Variants in ITCH observed in about 807,000 individuals in gnomAD.
The protein encoded by ITCH is E3 ubiquitin-protein ligase Itchy homolog.
In ITCH, 28 loss-of-function variants were observed where a neutral mutation model predicts 126.8. That is an observed-to-expected ratio of 0.22 (90% CI 0.16 to 0.30). The LOEUF (loss-of-function observed/expected upper bound fraction) is 0.30. ITCH is among the 10% of genes least tolerant of loss of function. The probability of loss-of-function intolerance (pLI) is 1.00; values close to 1 mark genes in which losing one functional copy is unlikely to be tolerated. For synonymous variants in ITCH, 342 were observed against 340.0 expected, an observed-to-expected ratio of 1.01 and a Z score of -0.06; for missense variants, 631 against 1,032.4, an observed-to-expected ratio of 0.61 and a Z score of 5.33.
At chr20:34,410,386 A>G (rs538532078) in intron 4 of ITCH, among the ~76,000 whole-genome samples, 2,603 of 150,894 alleles carry the variant, frequency 0.017, 38 homozygotes, top group Non-Finnish European at 0.028. Context: ...AAAAGAGAGA[A>G]AAAAAAAAAA....
intron 17 of ITCH, among the ~76,000 whole-genome samples, chr20:34,478,125 G>C (rs1361298674): frequency 6.6e-6 from 1 of 152,156 alleles, no homozygotes; most frequent in African/African-American, 2.4e-5. Flanking sequence ...ATAGGATGAT[G>C]AAGAGGCTTA....
At chr20:34,488,702 G>C (rs573339049) in intron 20 of ITCH, among the ~76,000 whole-genome samples, 2 of 151,974 alleles carry the variant, frequency 1.3e-5, no homozygotes, top group South Asian at 4.2e-4. Context: ...GACAGAGCGC[G>C]ACCCTGTCTC....
intron 2 of ITCH, among the ~76,000 whole-genome samples, chr20:34,383,543 A>T (rs1601767612): frequency 6.6e-6 from 1 of 150,674 alleles, no homozygotes; most frequent in African/African-American, 2.4e-5. Context: ...ATTTTGTATT[A>T]TCAGTAGAGA....
At chr20:34,412,395 G>C in intron 4 of ITCH, 120 bp from the exon 5 acceptor site, 1 of 725,160 alleles carries the variant, frequency 1.4e-6, no homozygotes, top group Non-Finnish European at 2.3e-6. Context: ...TGATTGTATA[G>C]TAAACTGTAA....
At chr20:34,364,981 C>T (rs748707363) in intron 1 of ITCH, among the ~76,000 whole-genome samples, 3 of 151,394 alleles carry the variant, frequency 2.0e-5, no homozygotes, top group Admixed American at 1.3e-4. Context: ...GGGCGGATTA[C>T]GTGAGCCCAG....
At chr20:34,433,642 G>A (rs1351540579) in intron 7 of ITCH, among the ~76,000 whole-genome samples, 1 of 137,566 alleles carries the variant, frequency 7.3e-6, no homozygotes, top group African/African-American at 2.7e-5. Flanking sequence ...GGGCAACAGA[G>A]TGAAACAATG....
intron 10 of ITCH, among the ~76,000 whole-genome samples, chr20:34,443,922 A>G (rs139318360): frequency 1.2e-3 from 185 of 152,230 alleles, no homozygotes; most frequent in African/African-American, 4.2e-3. Flanking sequence ...GGAGTTCAAG[A>G]TTACAGTGAG....
chr20:34,490,644 A>G (rs1015038438), intron 22 of ITCH, among the ~76,000 whole-genome samples: 7 of 152,210 alleles, frequency 4.6e-5, no homozygotes, highest in African/African-American at 1.4e-4. Context: ...CTCTGTCTCA[A>G]AAACAAAAAC....
At chr20:34,445,260 G>GTT (rs376762756) in intron 10 of ITCH, 27 bp from the exon 11 acceptor site, 126,086 of 1,406,536 alleles carry the variant, frequency 0.09, 157 homozygotes, top group Middle Eastern at 0.1. Context: ...GAATTAGCTT[G>GTT]TTTTTTTTTT....
At chr20:34,372,029 G>A (rs193119439) in intron 2 of ITCH, among the ~76,000 whole-genome samples, 54 of 152,078 alleles carry the variant, frequency 3.6e-4, no homozygotes, top group Admixed American at 9.8e-4. Flanking sequence ...GGCTTCGGCC[G>A]GCCGCGGTGG....
intron 17 of ITCH, 36 bp from the exon 18 acceptor site, chr20:34,479,594 C>T (rs1451462660): frequency 1.3e-6 from 2 of 1,591,428 alleles, no homozygotes; most frequent in Non-Finnish European, 1.7e-6. Context: ...TGGTAACCTA[C>T]AAGATTTTTC....
intron 3 of ITCH, 105 bp from the exon 4 acceptor site, chr20:34,408,546 T>G: frequency 9.4e-7 from 1 of 1,059,206 alleles, no homozygotes; most frequent in Non-Finnish European, 1.4e-6. Flanking sequence ...GCAAAACTGC[T>G]TCTCTGAGTA....
At chr20:34,464,924 T>C (rs761991672) in intron 14 of ITCH, among the ~76,000 whole-genome samples, 4 of 152,126 alleles carry the variant, frequency 2.6e-5, no homozygotes, top group Non-Finnish European at 5.9e-5. Flanking sequence ...TTGGTCAGGC[T>C]GGTCTCAAAC....
chr20:34,434,155 T>C (rs2146262977), intron 7 of ITCH, among the ~76,000 whole-genome samples: 1 of 152,104 alleles, frequency 6.6e-6, no homozygotes, highest in Middle Eastern at 3.4e-3. Flanking sequence ...TGCATGCCTG[T>C]ATTCCCAGCT....
At chr20:34,450,055 CA>C (rs1161138696) in intron 12 of ITCH, among the ~76,000 whole-genome samples, 1 of 152,080 alleles carries the variant, frequency 6.6e-6, no homozygotes. Context: ...TAGGTGATTA[CA>C]TTAATAATGT....
At chr20:34,424,115 T>G in intron 6 of ITCH, among the ~76,000 whole-genome samples, 1 of 152,216 alleles carries the variant, frequency 6.6e-6, no homozygotes, top group Non-Finnish European at 1.5e-5. Flanking sequence ...TTTATTCTGC[T>G]GGCGATCAGC....
intron 16 of ITCH, among the ~76,000 whole-genome samples, chr20:34,473,307 A>AT (rs146972467): frequency 0.034 from 5,092 of 151,946 alleles, 307 homozygotes; most frequent in African/African-American, 0.12. Flanking sequence ...GTTAAAAGGA[A>AT]TTTTTTTTTA....
chr20:34,432,824 G>A (rs1283550793), intron 7 of ITCH, among the ~76,000 whole-genome samples: 2 of 152,000 alleles, frequency 1.3e-5, no homozygotes, highest in East Asian at 1.9e-4. Context: ...CAGAATGGTA[G>A]CCTGCACCTG....
chr20:34,446,632 A>T (rs994164793), intron 11 of ITCH, among the ~76,000 whole-genome samples: 1 of 149,914 alleles, frequency 6.7e-6, no homozygotes, highest in Non-Finnish European at 1.5e-5. Context: ...CCTTCTTTTC[A>T]TTTTTTTTTC....
Sources: gnomAD v4.1 joint callset for allele counts (sites outside exome capture counted in the v4.1 genomes callset) on GRCh38, gnomAD v4.1.1 for gene constraint, MANE v1.5 for transcripts, NCBI Gene and HGNC (gene_info 2026-07-23, HGNC 2026-07-21) for gene names.